DGKH: variants seen among roughly 807,000 people sequenced by gnomAD.
DGKH encodes the protein diacylglycerol kinase eta.
DGKH carries 90 observed loss-of-function variants against 159.3 expected under a neutral mutation model. The ratio of observed to expected loss-of-function variants is 0.57; its 90% CI spans 0.48 to 0.67. The LOEUF is 0.67. Among genes scored for constraint, DGKH ranks in the 30% least tolerant of loss-of-function variants. The pLI is 0.00. For synonymous variants in DGKH, 536 were observed against 553.8 expected (o/e 0.97, Z 0.45); for missense variants, 1,181 against 1,506.1 (o/e 0.78, Z 3.57).
intron 1 of DGKH, chr13:42,070,075 T>C (rs1882853796): frequency 1.0e-6 from 1 of 963,758 alleles, no homozygotes; most frequent in Non-Finnish European, 1.7e-6. Context: ...CAAAATATTA[T>C]GAGCTTCATC....
chr13:42,151,783 T>C lies in DGKH; in HGVS notation c.385-3508T>C, dbSNP rs1180903317. Among the ~76,000 whole-genome samples, 5 of 152,014 alleles carry C rather than the reference T, an allele frequency of 3.3e-5. No individual in the cohort carries two copies. The East Asian group carries it at 9.7e-4, about 30-fold the overall frequency. On this transcript the variant is annotated intron_variant, in intron 3 of 29. Coordinates refer to ENST00000337343, the MANE Select transcript of DGKH (RefSeq NM_178009.5). ...AAGTGCAGGTATCTTTTTAATATAA[T>C]GATTTCTTTTCCTGTAGGTAGATAC...
chr13:42,221,291 C>T lies in DGKH; in HGVS notation c.3470C>T (p.Ala1157Val). ...PVQKWGTEEV[A>V]AWLDLLNLGE... is the part of the protein sequence containing the mutation. ...CAGAAATGGGGCACAGAGGAAGTTG[C>T]TGCTTGGCTGGATCTGCTCAATTTG... Residue 1157 changes from alanine to valine, a missense_variant, in exon 29 of 30, where the codon GCT (alanine) becomes GTT (valine). Physicochemically the swap from Ala to Val is moderately conservative, Grantham distance 64 (BLOSUM62 0). Transcript: ENST00000337343. The T allele has an allele frequency of 1.2e-6, 2 of 1,613,664 alleles. No individual in the cohort carries two copies. Among genetic ancestry groups the T allele is most frequent in the Non-Finnish European group, 1.7e-6 (2 of 1,179,648 alleles).
intron 24 of DGKH, among the ~76,000 whole-genome samples, chr13:42,211,655 G>A (rs367988328): frequency 7.2e-4 from 110 of 152,216 alleles, no homozygotes; most frequent in Non-Finnish European, 1.3e-3. Context: ...CCAAGATCAC[G>A]CCACTGCACT....
chr13:42,189,249 A>C lies in DGKH; in HGVS notation c.1852A>C (p.Met618Leu), dbSNP rs1401689145. 6.2e-7 allele frequency: 1 copy of C among 1,614,248 alleles called. No individual in the cohort carries two copies. Among genetic ancestry groups the C allele is most frequent in the Non-Finnish European group, 8.5e-7 (1 of 1,180,040 alleles). ...GAAAGCCGTCAAACCAAGGGAAATCATGTTGCGGGCAAATAGTTTAAAGAA... is the reference window on the plus strand; with the variant it reads ...GAAAGCCGTCAAACCAAGGGAAATCCTGTTGCGGGCAAATAGTTTAAAGAA... ...SQKAVKPREI[M>L]LRANSLKKAV... is the part of the protein sequence containing the mutation. Residue 618 changes from methionine (M) to leucine (L), a missense_variant, in exon 15 of 30, where the codon ATG (methionine) becomes CTG (leucine). Physicochemically the swap from Met to Leu is conservative, Grantham distance 15 (BLOSUM62 2). Around this residue, in one of 5 missense-constraint regions of DGKH, gnomAD observed 257 missense variants for 281.5 expected, o/e 0.91. Coordinates refer to ENST00000337343, the MANE Select transcript of DGKH (RefSeq NM_178009.5).
chr13:42,123,793 G>A (rs899595212), intron 1 of DGKH, among the ~76,000 whole-genome samples: 2 of 152,164 alleles, frequency 1.3e-5, no homozygotes, highest in Non-Finnish European at 2.9e-5. Context: ...GAGATACTAT[G>A]TACCTATTAG....
At chr13:42,110,719 A>G (rs1297087014) in intron 1 of DGKH, among the ~76,000 whole-genome samples, 1 of 148,360 alleles carries the variant, frequency 6.7e-6, no homozygotes, top group East Asian at 2.0e-4. Context: ...CACATTTGAG[A>G]AAGAAAATCC....
chr13:42,182,943 C>A (rs1450609333), intron 13 of DGKH, among the ~76,000 whole-genome samples: 1 of 150,096 alleles, frequency 6.7e-6, no homozygotes, highest in East Asian at 1.9e-4. Context: ...TTTATTTGTT[C>A]AAAATTCAGA....
intron 1 of DGKH, among the ~76,000 whole-genome samples, chr13:42,099,217 T>C (rs1170192): frequency 0.24 from 36,208 of 152,102 alleles, 4,926 homozygotes; most frequent in African/African-American, 0.36. Context: ...TTGTGTTTCT[T>C]TGCCTTATTC....
At chr13:42,131,247 T>G (rs1324550943) in intron 3 of DGKH, among the ~76,000 whole-genome samples, 2 of 152,152 alleles carry the variant, frequency 1.3e-5, no homozygotes, top group Non-Finnish European at 2.9e-5. Context: ...AGAAGAGAAT[T>G]TTAGTTTTGT....
intron 28 of DGKH, 102 bp from the exon 29 acceptor site, chr13:42,221,162 C>A: frequency 6.9e-7 from 1 of 1,441,308 alleles, no homozygotes; most frequent in Non-Finnish European, 9.4e-7. Context: ...CTTTTGCTAG[C>A]ACTGCCGCTG....
chr13:42,118,657 G>A (rs1259007317), intron 1 of DGKH, among the ~76,000 whole-genome samples: 2 of 152,204 alleles, frequency 1.3e-5, no homozygotes, highest in Non-Finnish European at 2.9e-5. Context: ...CTGGATGAAT[G>A]TTGAGATGAA....
At chr13:42,151,793 T>G (rs9525583) in intron 3 of DGKH, among the ~76,000 whole-genome samples, 53,594 of 151,688 alleles carry the variant, frequency 0.35, 9,971 homozygotes, top group Non-Finnish European at 0.42. Flanking sequence ...TGATTTCTTT[T>G]CCTGTAGGTA....
chr13:42,236,882 G>C lies in DGKH; in HGVS notation c.*7694G>C, dbSNP rs1413240732. On this transcript the variant is annotated 3_prime_UTR_variant, in exon 30 of 30. Coordinates refer to ENST00000337343, the MANE Select transcript of DGKH (RefSeq NM_178009.5). ...CTCGCCACTGCACTCCAGCCTGGGC[G>C]ACAGAGCGAGACTCTGTCTCAGGGG... The C allele has an allele frequency of 6.6e-6, 1 of 152,108 alleles. No homozygotes were observed. The highest frequency in any genetic ancestry group is 1.5e-5 in the Non-Finnish European group (1 of 68,054). 9.4% of individuals were successfully genotyped at this position (152,108 alleles called of 1,614,324 possible). A position where few individuals can be genotyped will look rare whatever the true frequency, so the allele number is the denominator to read the frequency against.
At chr13:42,129,679 C>A in intron 3 of DGKH, 47 bp downstream of exon 3, 1 of 1,545,876 alleles carries the variant, frequency 6.5e-7, no homozygotes, top group South Asian at 1.2e-5. Flanking sequence ...TATAGAATGA[C>A]CTTTCTTAAG....
At chr13:42,107,878 C>G (rs1340300401) in intron 1 of DGKH, among the ~76,000 whole-genome samples, 3 of 152,068 alleles carry the variant, frequency 2.0e-5, no homozygotes, top group Non-Finnish European at 2.9e-5. Flanking sequence ...CAGAAGGGTC[C>G]TAGAGTCTCT....
chr13:42,090,535 A>G (rs1295213783), intron 1 of DGKH, among the ~76,000 whole-genome samples: 1 of 152,246 alleles, frequency 6.6e-6, no homozygotes, highest in African/African-American at 2.4e-5. Flanking sequence ...TGGTACTGGC[A>G]TAAAGACAGA....
intron 25 of DGKH, 83 bp downstream of exon 25, chr13:42,214,695 C>T (rs1594222149): frequency 7.7e-7 from 1 of 1,307,002 alleles, no homozygotes; most frequent in South Asian, 1.6e-5. Flanking sequence ...ATATGCCACG[C>T]CCTGTGACAG....
chr13:42,109,917 A>T (rs765757857), intron 1 of DGKH, among the ~76,000 whole-genome samples: 1 of 152,192 alleles, frequency 6.6e-6, no homozygotes, highest in Non-Finnish European at 1.5e-5. Context: ...ATTGGAGTGG[A>T]GTTTATGATA....
intron 19 of DGKH, 57 bp downstream of exon 19, chr13:42,199,733 T>A: frequency 3.2e-6 from 5 of 1,556,530 alleles, no homozygotes; most frequent in Non-Finnish European, 4.4e-6. Context: ...TCTTCATTTA[T>A]TATGTCTTTT....
Sources: gnomAD v4.1 joint callset for allele counts (sites outside exome capture counted in the v4.1 genomes callset) on GRCh38, gnomAD v4.1.1 for gene constraint, gnomAD v4.1.1 regional missense constraint, MANE v1.5 for transcripts, NCBI Gene and HGNC (gene_info 2026-07-23, HGNC 2026-07-21) for gene names.